Variants in MYT1 observed in about 807,000 individuals in gnomAD.
MYT1 encodes myelin transcription factor 1, also known as myelin transcription factor I.
Under a neutral mutation model 123.0 loss-of-function variants are expected in MYT1, and 23 were observed. That is an observed-to-expected ratio of 0.19 (90% confidence interval 0.13 to 0.26). MYT1 has a LOEUF of 0.26. MYT1 is among the 10% of genes least tolerant of loss of function. The pLI is 1.00. For synonymous variants in MYT1, 518 were observed against 575.3 expected (o/e 0.90, Z 1.43); for missense variants, 1,125 against 1,472.5 (o/e 0.76, Z 3.86).
intron 1 of MYT1, among the ~76,000 whole-genome samples, chr20:64,182,339 C>G (rs936996764): frequency 1.3e-5 from 2 of 152,242 alleles, no homozygotes; most frequent in Admixed American, 1.3e-4. Flanking sequence ...CCAGCCAATA[C>G]GCACGCACAG....
At chr20:64,199,635 C>T (rs1461371975) in intron 3 of MYT1, among the ~76,000 whole-genome samples, 1 of 152,168 alleles carries the variant, frequency 6.6e-6, no homozygotes, top group Non-Finnish European at 1.5e-5. Context: ...CTTTGTAAAA[C>T]TGCCAGGCTG....
chr20:64,206,231 G>A (rs1206043826), intron 6 of MYT1, among the ~76,000 whole-genome samples: 5 of 152,166 alleles, frequency 3.3e-5, no homozygotes, highest in East Asian at 1.9e-4. Context: ...AGAGGTCTGC[G>A]TTCCCCTGAG....
chr20:64,180,582 T>C (rs544632160), intron 1 of MYT1, among the ~76,000 whole-genome samples: 1 of 152,336 alleles, frequency 6.6e-6, no homozygotes, highest in African/African-American at 2.4e-5. Flanking sequence ...CCTTCTCCCC[T>C]GCAAGGGCTC....
chr20:64,179,944 G>T (rs1032800945), intron 1 of MYT1, among the ~76,000 whole-genome samples: 2 of 18,094 alleles, frequency 1.1e-4, no homozygotes, highest in Non-Finnish European at 1.8e-4. Flanking sequence ...TACACACACA[G>T]TTACACATTT....
Position 64,186,015 on chromosome 20 carries a change from G to C in MYT1, c.-98-4048G>C, listed in dbSNP as rs1013707587. On this transcript the variant is annotated intron_variant, in intron 1 of 22. Transcript: ENST00000328439. The surrounding 1 kb of genome is among the most constrained non-coding windows in gnomAD (Gnocchi z 4.3). ...GGCTTCATTAGGAGAAGACAGACGG[G>C]GGGCTACAGCTCAGCACTGCACATC... Among the ~76,000 whole-genome samples, 1 of 152,186 alleles carries C rather than the reference G, an allele frequency of 6.6e-6. No individual in the cohort carries two copies. The highest frequency in any genetic ancestry group is 2.4e-5 in the African/African-American group (1 of 41,446).
Position 64,227,427 on chromosome 20 carries a change from C to T in MYT1, c.2541C>T (p.Pro847=), listed in dbSNP as rs1181687698. The change falls in exon 17 of 23, where the codon CCC becomes CCT. Residue 847 remains proline (P), a synonymous_variant. Transcript: ENST00000328439. ...CTTCCCTCTGCAGGTGCCCCACGCC[C>T]GGCTGTGACGGCTCTGGCCACATCA... ...AHSADLKCPT[P]GCDGSGHITG... 1.8e-5 allele frequency: 29 copies of T among 1,612,610 alleles called. No homozygotes were observed. Among genetic ancestry groups the T allele is most frequent in the Middle Eastern group, 1.6e-4 (1 of 6,082 alleles).
chr20:64,205,676 C>A lies in MYT1; in HGVS notation c.273C>A (p.Ser91Arg), dbSNP rs201204214. Residue 91 changes from serine (S) to arginine (R), a missense_variant, in exon 6 of 23, where the codon AGC (serine) becomes AGA (arginine). By Grantham distance (110) the Ser-to-Arg change is moderately radical. This residue lies in a region of MYT1 where 406 missense variants were observed against 432.2 expected (regional missense o/e 0.94). Coordinates refer to ENST00000328439, the MANE Select transcript of MYT1 (RefSeq NM_004535.3). ...TGGACGAGGGCTATGGTGTGGACAG[C>A]GACGGCAGTGAGGACACTGAGGTGA... ...LALDEGYGVD[S>R]DGSEDTEVKD... 1 of 1,614,148 alleles carries A rather than the reference C, an allele frequency of 6.2e-7. No individual in the cohort carries two copies. The highest frequency in any genetic ancestry group is 8.5e-7 in the Non-Finnish European group (1 of 1,180,010).
In MYT1 at chr20:64,218,761, C is replaced by CCCAG; in HGVS notation, c.1847-150_1847-149insCCAG. On this transcript the variant is annotated intron_variant, in intron 11 of 22. Transcript: ENST00000328439. The surrounding 1 kb of genome is among the most constrained non-coding windows in gnomAD (Gnocchi z 4.0). ...CATCCCTCCCAAAGTGCCCCCTCCC[C>CCCAG]ACTGACTTGTCTGCATTGCTGCCTC... 1 of 1,049,146 alleles carries CCCAG rather than the reference C, an allele frequency of 9.5e-7. No individual in the cohort carries two copies. The highest frequency in any genetic ancestry group is 2.4e-5 in the East Asian group (1 of 41,596). 65.0% of individuals were successfully genotyped at this position (1,049,146 alleles called of 1,614,324 possible).
rs751594492 is a variant in MYT1 at position 64,207,988 on chromosome 20, GGAGGAGGAGGAA to G, written c.804_815del (p.Glu270_Glu273del). 2.5e-6 allele frequency: 4 copies of G among 1,598,830 alleles called. No individual in the cohort carries two copies. Among genetic ancestry groups the G allele is most frequent in the Non-Finnish European group, 3.4e-6 (4 of 1,173,604 alleles). ...GTCACGAAGAGGAGGACGAGGAGGA[GGAGGAGGAGGAA>G]GAGGAGGAGGAGGAGGATGAAGAAG... On this transcript the variant is annotated inframe_deletion, in exon 7 of 23. Coordinates refer to ENST00000328439, the MANE Select transcript of MYT1 (RefSeq NM_004535.3).
rs1306689823 is a variant in MYT1 at position 64,203,236 on chromosome 20, C to T, written c.87-1799C>T. On this transcript the variant is annotated intron_variant, in intron 4 of 22. Coordinates refer to ENST00000328439, the MANE Select transcript of MYT1 (RefSeq NM_004535.3). The surrounding 1 kb of genome is among the most constrained non-coding windows in gnomAD (Gnocchi z 5.1). ...GTGACGTGTTCAGGGCAGTCCGGTCCCCACAGGCCTCCACAGCAGCTGTCA... is the reference window on the plus strand; with the variant it reads ...GTGACGTGTTCAGGGCAGTCCGGTCTCCACAGGCCTCCACAGCAGCTGTCA... 6.6e-6 allele frequency among the ~76,000 whole-genome samples: 1 copy of T among 152,226 alleles called. No homozygotes were observed. Among genetic ancestry groups the T allele is most frequent in the East Asian group, 1.9e-4 (1 of 5,202 alleles).
intron 1 of MYT1, among the ~76,000 whole-genome samples, chr20:64,184,483 C>T (rs2983452): frequency 0.11 from 16,595 of 152,114 alleles, 1,536 homozygotes; most frequent in African/African-American, 0.24. Flanking sequence ...CCCACTTATC[C>T]ATATGCCCGT....
chr20:64,240,558 T>C lies in MYT1; in HGVS notation c.*110T>C. 2.8e-6 allele frequency: 4 copies of C among 1,424,712 alleles called. No homozygotes were observed. The Admixed American group carries it at 8.2e-5, about 29-fold the overall frequency. 88.3% of individuals were successfully genotyped at this position (1,424,712 alleles called of 1,614,324 possible). A position where few individuals can be genotyped will look rare whatever the true frequency, so the allele number is the denominator to read the frequency against. ...CAGTGACTTCCCGTTTGGGGCCCGG[T>C]GTGGCCGCGGGCGGGTTTATCCAAA... On this transcript the variant is annotated 3_prime_UTR_variant, in exon 23 of 23. Coordinates refer to ENST00000328439, the MANE Select transcript of MYT1 (RefSeq NM_004535.3).
At chr20:64,238,343 A>G (rs1191711566) in intron 21 of MYT1, among the ~76,000 whole-genome samples, 1 of 152,132 alleles carries the variant, frequency 6.6e-6, no homozygotes, top group Admixed American at 6.5e-5. Flanking sequence ...AATGAGTAAC[A>G]TCCTCCAGCC....
In MYT1 at chr20:64,218,586, T is replaced by C. The variant is rs1251571047; in HGVS notation, c.1847-325T>C. 2.0e-5 allele frequency among the ~76,000 whole-genome samples: 3 copies of C among 152,294 alleles called. No homozygotes were observed. In the East Asian group the frequency reaches 5.8e-4, roughly 29 times the overall value. The stretch of plus-strand genomic sequence containing the variant: ...GAATGTCTTGGAGGCTTTTACTCCT[T>C]TTGCCCAAATTTTCACTGAGCCAGA... On this transcript the variant is annotated intron_variant, in intron 11 of 22. Transcript: ENST00000328439. This position sits in a 1 kb window ranked among gnomAD's most constrained non-coding sequence, Gnocchi z 4.0.
At chr20:64,198,133 A>G (rs1248697045) in intron 2 of MYT1, among the ~76,000 whole-genome samples, 2 of 151,704 alleles carry the variant, frequency 1.3e-5, no homozygotes, top group Non-Finnish European at 2.9e-5. Flanking sequence ...AAAAAATACA[A>G]AAAATTAGCC....
rs1197718702 is a variant in MYT1 at position 64,186,150 on chromosome 20, T to C, written c.-98-3913T>C. ...GCCCTGTTTGTTTCCTGAGTTTTTCTGCCCACAAGAGCCCCATAAAAGTGA... is the reference window on the plus strand; with the variant it reads ...GCCCTGTTTGTTTCCTGAGTTTTTCCGCCCACAAGAGCCCCATAAAAGTGA... On this transcript the variant is annotated intron_variant, in intron 1 of 22. Coordinates refer to ENST00000328439, the MANE Select transcript of MYT1 (RefSeq NM_004535.3). The surrounding 1 kb of genome is among the most constrained non-coding windows in gnomAD (Gnocchi z 4.3). Among the ~76,000 whole-genome samples the C allele has an allele frequency of 2.0e-5, 3 of 152,062 alleles. No homozygotes were observed. Among genetic ancestry groups the C allele is most frequent in the Non-Finnish European group, 4.4e-5 (3 of 68,000 alleles).
intron 1 of MYT1, among the ~76,000 whole-genome samples, chr20:64,182,407 T>A (rs1982680917): frequency 6.6e-6 from 1 of 152,222 alleles, no homozygotes; most frequent in East Asian, 1.9e-4. Flanking sequence ...GCCCTGGCCA[T>A]CGGCTCAGCT....
At position 64,212,637 on chromosome 20, in the gene MYT1, A is replaced by C. The variant is rs375133527; in HGVS notation, c.1517+499A>C. On this transcript the variant is annotated intron_variant, in intron 9 of 22. Transcript: ENST00000328439. This position sits in a 1 kb window ranked among gnomAD's most constrained non-coding sequence, Gnocchi z 6.8. ...ACCCACATTCAGAAAACCTCTGCAC[A>C]CTGGCTCTTGCTCCTGAGTGGGAAG... 1.8e-3 allele frequency among the ~76,000 whole-genome samples: 267 copies of C among 152,298 alleles called. 15 individuals carry two copies. The South Asian group carries it at 0.054, about 31-fold the overall frequency.
At position 64,208,419 on chromosome 20, in the gene MYT1, T is replaced by C. The variant is rs1394929819; in HGVS notation, c.1223T>C (p.Leu408Pro). Residue 408 changes from leucine to proline, a missense_variant, in exon 7 of 23, where the codon CTG becomes CCG. Leu to Pro is a moderately conservative substitution (Grantham distance 98, BLOSUM62 -3). Coordinates refer to ENST00000328439, the MANE Select transcript of MYT1 (RefSeq NM_004535.3). The surrounding 1 kb of genome is among the most constrained non-coding windows in gnomAD (Gnocchi z 5.4). ...PGCPPAEQSQ[L>P]GLGEPGKAAK... ...TGCCCGCCTGCCGAGCAGAGCCAGC[T>C]GGGCCTGGGAGAGCCAGGGAAGGCA... is the stretch of plus-strand genomic sequence containing the variant. 1 of 1,613,186 alleles carries C rather than the reference T, an allele frequency of 6.2e-7. No homozygotes were observed. The highest frequency in any genetic ancestry group is 8.5e-7 in the Non-Finnish European group (1 of 1,179,944).
Sources: allele counts gnomAD v4.1 joint callset (sites outside exome capture counted in the v4.1 genomes callset), GRCh38; gene constraint gnomAD v4.1.1; regional missense constraint gnomAD v4.1.1; non-coding constraint Gnocchi (gnomAD v3.1); transcripts MANE v1.5; gene names NCBI Gene and HGNC (gene_info 2026-07-23, HGNC 2026-07-21).